PLXNC1: variants seen among roughly 807,000 people sequenced by gnomAD.
The protein encoded by PLXNC1 is plexin C1, also known as plexin-C1.
A neutral mutation model predicts 178.2 loss-of-function variants in PLXNC1; 75 were observed. That is an observed-to-expected ratio of 0.42 (90% CI 0.35 to 0.51). The LOEUF is 0.51. PLXNC1 is among the 20% of genes least tolerant of loss of function. The pLI is 0.02. For missense variants in PLXNC1, 1,503 were observed against 1,984.4 expected (o/e 0.76, Z 4.61); for synonymous variants, 790 against 779.9 (o/e 1.01, Z -0.22).
chr12:94,198,126 C>T lies in PLXNC1; in HGVS notation c.1440-11464C>T, dbSNP rs563746580. ...CATTAGCAAAGACATGGAATCAACCCAAATGCCCATCCATGATAGACTGGA... is the reference window on the plus strand; with the variant it reads ...CATTAGCAAAGACATGGAATCAACCTAAATGCCCATCCATGATAGACTGGA... On this transcript the variant is annotated intron_variant, in intron 4 of 30. Coordinates refer to ENST00000258526, the MANE Select transcript of PLXNC1 (RefSeq NM_005761.3). 2.0e-5 allele frequency among the ~76,000 whole-genome samples: 3 copies of T among 152,246 alleles called. No individual in the cohort carries two copies. The East Asian group carries it at 5.8e-4, about 29-fold the overall frequency.
At chr12:94,168,405 T>C (rs1399331082) in intron 1 of PLXNC1, 2 of 152,208 alleles carry the variant, frequency 1.3e-5, no homozygotes, top group African/African-American at 4.8e-5. Flanking sequence ...CTGCTCTGGG[T>C]TTAAAGAGGG....
intron 9 of PLXNC1, among the ~76,000 whole-genome samples, chr12:94,233,475 T>A (rs540874310): frequency 6.6e-6 from 1 of 152,176 alleles, no homozygotes; most frequent in Non-Finnish European, 1.5e-5. Flanking sequence ...GTTCGGAGGG[T>A]GGGCTTGGCA....
Position 94,188,460 on chromosome 12 carries a change from A to G in PLXNC1, c.1439+1987A>G, listed in dbSNP as rs577202288. Among the ~76,000 whole-genome samples, 472 of 150,918 alleles carry G rather than the reference A, an allele frequency of 3.1e-3. 3 individuals are homozygous for G. Among genetic ancestry groups the G allele is most frequent in the African/African-American group, 0.011 (454 of 41,036 alleles). ...TGCCGCAGCCTCCCGAGTAGCTGGG[A>G]TTACCGGTACGTGCCACCATGCCCG... On this transcript the variant is annotated intron_variant, in intron 4 of 30. Coordinates refer to ENST00000258526, the MANE Select transcript of PLXNC1 (RefSeq NM_005761.3).
chr12:94,242,641 A>G (rs1177463474), intron 11 of PLXNC1, among the ~76,000 whole-genome samples: 2 of 151,938 alleles, frequency 1.3e-5, no homozygotes, highest in African/African-American at 2.4e-5. Flanking sequence ...CATAATAGTA[A>G]GATAAGGAGA....
chr12:94,203,069 A>C (rs1760993340), intron 4 of PLXNC1, among the ~76,000 whole-genome samples: 1 of 152,032 alleles, frequency 6.6e-6, no homozygotes, highest in Admixed American at 6.6e-5. Context: ...TGCTGCAGGA[A>C]CCCAGGTGAG....
Position 94,248,419 on chromosome 12 carries a change from G to T in PLXNC1, c.2778+7G>T. 3 of 1,591,908 alleles carry T rather than the reference G, an allele frequency of 1.9e-6. No homozygotes were observed. In the South Asian group the frequency reaches 3.5e-5, roughly 18 times the overall value. Reference sequence around the variant, plus strand: ...CTCTTCTAAGAAAGTTCGGGTAAGTGACCTGGCAGTCCCACCTGCTGTCTT... The same window carrying T: ...CTCTTCTAAGAAAGTTCGGGTAAGTTACCTGGCAGTCCCACCTGCTGTCTT... On this transcript the variant is annotated splice_region_variant and intron_variant, in intron 14 of 30. Transcript: ENST00000258526.
intron 28 of PLXNC1, among the ~76,000 whole-genome samples, chr12:94,301,860 G>A (rs901145737): frequency 2.0e-5 from 3 of 152,086 alleles, no homozygotes; most frequent in African/African-American, 7.2e-5. Context: ...AATCCTCAAC[G>A]TTATCTTTGA....
intron 1 of PLXNC1, chr12:94,168,315 T>C (rs1403870958): frequency 6.6e-6 from 1 of 152,234 alleles, no homozygotes; most frequent in Non-Finnish European, 1.5e-5. Flanking sequence ...CAGTTTCCTG[T>C]CGTTGAAGGC....
chr12:94,190,167 T>C (rs1221807790), intron 4 of PLXNC1, among the ~76,000 whole-genome samples: 1 of 152,100 alleles, frequency 6.6e-6, no homozygotes, highest in Non-Finnish European at 1.5e-5. Context: ...TTCAGTAATA[T>C]TGAGAAGGGG....
intron 2 of PLXNC1, among the ~76,000 whole-genome samples, chr12:94,172,499 G>A (rs1183742663): frequency 6.6e-6 from 1 of 152,110 alleles, no homozygotes; most frequent in Non-Finnish European, 1.5e-5. Flanking sequence ...GGTAATATAT[G>A]CTCATGTAAA....
intron 4 of PLXNC1, among the ~76,000 whole-genome samples, chr12:94,202,439 A>C (rs1247217577): frequency 1.3e-5 from 2 of 152,222 alleles, no homozygotes; most frequent in Non-Finnish European, 2.9e-5. Context: ...GGGGATTTAC[A>C]GTGTAGCTGG....
intron 4 of PLXNC1, among the ~76,000 whole-genome samples, chr12:94,198,298 C>T (rs753759333): frequency 5.3e-5 from 8 of 152,062 alleles, no homozygotes; most frequent in South Asian, 2.1e-4. Context: ...AACCAAATAC[C>T]GCATGTTCTC....
At chr12:94,202,270 A>G (rs1161755161) in intron 4 of PLXNC1, among the ~76,000 whole-genome samples, 1 of 152,236 alleles carries the variant, frequency 6.6e-6, no homozygotes, top group African/African-American at 2.4e-5. Flanking sequence ...AAGCTCAATA[A>G]GAGAAGGAAC....
At chr12:94,183,611 G>A (rs562716878) in intron 3 of PLXNC1, among the ~76,000 whole-genome samples, 32 of 152,272 alleles carry the variant, frequency 2.1e-4, no homozygotes, top group African/African-American at 2.4e-4. Flanking sequence ...TAATCCATGC[G>A]TGTTTTTCCA....
intron 5 of PLXNC1, among the ~76,000 whole-genome samples, chr12:94,219,815 A>ATTTATTTGTTTG (rs753718037): frequency 0.05 from 3,192 of 63,226 alleles, 40 homozygotes; most frequent in South Asian, 0.09. Flanking sequence ...TTATTTATTT[A>ATTTATTTGTTTG]TTTATTTATT....
chr12:94,153,873 A>T (rs189506544), intron 1 of PLXNC1, among the ~76,000 whole-genome samples: 1 of 152,364 alleles, frequency 6.6e-6, no homozygotes, highest in African/African-American at 2.4e-5. Context: ...ACATGTGTGG[A>T]GAAGTGACAT....
chr12:94,177,207 A>G (rs1962118247), intron 2 of PLXNC1, among the ~76,000 whole-genome samples: 4 of 44,096 alleles, frequency 9.1e-5, no homozygotes, highest in African/African-American at 2.9e-4. Flanking sequence ...ATACGTATAT[A>G]TATATGTGTG....
chr12:94,247,217 A>G (rs1184335318), intron 12 of PLXNC1, among the ~76,000 whole-genome samples: 3 of 151,490 alleles, frequency 2.0e-5, no homozygotes, highest in African/African-American at 4.9e-5. Context: ...CAGCCTATTT[A>G]TGTGTTGTTG....
chr12:94,283,467 C>G (rs1036661370), intron 23 of PLXNC1, among the ~76,000 whole-genome samples: 5 of 152,198 alleles, frequency 3.3e-5, no homozygotes, highest in African/African-American at 1.2e-4. Context: ...AATGTAACTG[C>G]CCAACAGGTT....
Sources: gnomAD v4.1 joint callset for allele counts (sites outside exome capture counted in the v4.1 genomes callset) on GRCh38, gnomAD v4.1.1 for gene constraint, MANE v1.5 for transcripts, NCBI Gene and HGNC (gene_info 2026-07-23, HGNC 2026-07-21) for gene names.